The following MYO1H variants were observed in gnomAD, a reference collection of about 807,000 sequenced individuals.
The protein encoded by MYO1H is unconventional myosin-Ih.
In MYO1H, 118 loss-of-function variants were observed where a neutral mutation model predicts 149.3. The ratio of observed to expected loss-of-function variants is 0.79; its 90% CI spans 0.68 to 0.92. MYO1H has a LOEUF of 0.92. Among genes scored for constraint, MYO1H ranks in the 40% least tolerant of loss-of-function variants. The pLI is 0.00. For synonymous variants in MYO1H, 447 were observed against 465.2 expected, an observed-to-expected ratio of 0.96 and a Z score of 0.50; for missense variants, 1,212 against 1,280.7, an observed-to-expected ratio of 0.95 and a Z score of 0.82.
At chr12:109,320,435 C>T in the MYO1H span, among the ~76,000 whole-genome samples, 29 of 146,092 alleles carry the variant, frequency 2.0e-4, no homozygotes, top group Non-Finnish European at 3.2e-4. Flanking sequence ...CATGATGAAA[C>T]CCCATCTCTA....
At chr12:109,315,823 GTC>G in the MYO1H span, among the ~76,000 whole-genome samples, 1 of 152,284 alleles carries the variant, frequency 6.6e-6, no homozygotes, top group African/African-American at 2.4e-5. Flanking sequence ...TATCTTCTGT[GTC>G]TGTGTTGCTA....
At chr12:109,431,992 A>AT (rs554701536) in intron 19 of MYO1H, among the ~76,000 whole-genome samples, 5,325 of 85,724 alleles carry the variant, frequency 0.062, 262 homozygotes, top group African/African-American at 0.13. Flanking sequence ...TAAAAAAAAA[A>AT]TTTTTTTTTT....
chr12:109,318,979 T>G, the MYO1H span, among the ~76,000 whole-genome samples: 12 of 141,104 alleles, frequency 8.5e-5, 1 homozygote, highest in South Asian at 9.1e-4. Flanking sequence ...TTTGTTTTTT[T>G]TTTTTTTTTT....
At chr12:109,438,737 T>A in intron 23 of MYO1H, 117 bp downstream of exon 23, 2 of 749,482 alleles carry the variant, frequency 2.7e-6, no homozygotes, top group Non-Finnish European at 4.4e-6. Context: ...AAGGAAAAAC[T>A]CCCTTCAGAA....
chr12:109,433,251 A>G (rs1420138152), intron 20 of MYO1H, among the ~76,000 whole-genome samples: 3 of 152,198 alleles, frequency 2.0e-5, no homozygotes, highest in African/African-American at 4.8e-5. Context: ...GATTTAGCAG[A>G]TGGGCCTCCT....
intron 1 of MYO1H, among the ~76,000 whole-genome samples, chr12:109,380,782 C>T (rs973242567): frequency 1.3e-5 from 2 of 152,100 alleles, no homozygotes; most frequent in African/African-American, 4.8e-5. Context: ...CCCATCTTTA[C>T]TAAAAATACA....
the MYO1H span, among the ~76,000 whole-genome samples, chr12:109,338,900 GAT>G: frequency 1.3e-5 from 2 of 151,782 alleles, no homozygotes; most frequent in Non-Finnish European, 2.9e-5. Context: ...GAAGTGAATT[GAT>G]AAAGTCTTGT....
At chr12:109,383,936 T>C (rs546637680) in intron 1 of MYO1H, among the ~76,000 whole-genome samples, 1 of 152,314 alleles carries the variant, frequency 6.6e-6, no homozygotes, top group South Asian at 2.1e-4. Context: ...GGTTTGAGTG[T>C]TTCCTTGAAT....
At chr12:109,399,293 A>C (rs976150258) in intron 5 of MYO1H, among the ~76,000 whole-genome samples, 2 of 152,196 alleles carry the variant, frequency 1.3e-5, no homozygotes, top group African/African-American at 4.8e-5. Context: ...TCAAGACATA[A>C]AAATTTCTAG....
the MYO1H span, among the ~76,000 whole-genome samples, chr12:109,329,580 T>C: frequency 6.6e-6 from 1 of 152,128 alleles, no homozygotes; most frequent in Non-Finnish European, 1.5e-5. Context: ...TGCTAGAAAA[T>C]GATTCAAAGA....
chr12:109,424,524 A>G (rs1248226533), intron 16 of MYO1H, among the ~76,000 whole-genome samples: 2 of 152,224 alleles, frequency 1.3e-5, no homozygotes, highest in African/African-American at 4.8e-5. Flanking sequence ...ATGTCGGAGA[A>G]AAAACGTCTG....
At chr12:109,329,420 C>G in the MYO1H span, among the ~76,000 whole-genome samples, 100 of 152,268 alleles carry the variant, frequency 6.6e-4, 2 homozygotes, top group African/African-American at 2.3e-3. Context: ...GTTGCTTTCT[C>G]TCTCTTGGGC....
chr12:109,358,795 ATTT>A (rs11327582), intron 1 of MYO1H, among the ~76,000 whole-genome samples: 1 of 123,552 alleles, frequency 8.1e-6, no homozygotes, highest in Non-Finnish European at 1.6e-5. Flanking sequence ...AGGCTTTAAG[ATTT>A]TTTTTTTTTT....
At chr12:109,392,068 A>G (rs1480462394) in intron 2 of MYO1H, among the ~76,000 whole-genome samples, 1 of 152,086 alleles carries the variant, frequency 6.6e-6, no homozygotes, top group African/African-American at 2.4e-5. Flanking sequence ...GTTTAATTAG[A>G]TCCCATTTGT....
chr12:109,310,663 C>T, the MYO1H span, among the ~76,000 whole-genome samples: 1 of 152,156 alleles, frequency 6.6e-6, no homozygotes, highest in African/African-American at 2.4e-5. Context: ...TCAGGGCTCC[C>T]CTGGACTGGG....
chr12:109,324,179 A>G, the MYO1H span, among the ~76,000 whole-genome samples: 18 of 152,318 alleles, frequency 1.2e-4, 1 homozygote, highest in East Asian at 2.5e-3. Flanking sequence ...GGGGCACTAA[A>G]GGATGAGGTC....
At chr12:109,412,227 A>G (rs1224807335) in intron 14 of MYO1H, among the ~76,000 whole-genome samples, 2 of 152,140 alleles carry the variant, frequency 1.3e-5, no homozygotes, top group East Asian at 3.9e-4. Flanking sequence ...ACGTGATCAC[A>G]GCTCACTGCA....
chr12:109,314,595 C>T, the MYO1H span, among the ~76,000 whole-genome samples: 1 of 152,144 alleles, frequency 6.6e-6, no homozygotes, highest in Non-Finnish European at 1.5e-5. Flanking sequence ...CTCCCCTAGT[C>T]CCCCTGGCTG....
At chr12:109,448,217 C>G (rs558965025) in exon 32 of MYO1H, 128 of 152,346 alleles carry the variant, frequency 8.4e-4, no homozygotes, top group African/African-American at 3.0e-3. Context: ...GAATTTAACT[C>G]TTGTTTACAT....
Sources: gnomAD v4.1 joint callset for allele counts (sites outside exome capture counted in the v4.1 genomes callset) on GRCh38, gnomAD v4.1.1 for gene constraint, MANE v1.5 for transcripts, NCBI Gene and HGNC (gene_info 2026-07-23, HGNC 2026-07-21) for gene names.